The following TSC22D1 variants were observed in gnomAD, a reference collection of about 807,000 sequenced individuals.
TSC22D1 encodes the protein TSC22 domain family protein 1.
In TSC22D1, 9 loss-of-function variants were observed where a neutral mutation model predicts 74.2. The ratio of observed to expected loss-of-function variants is 0.12; its 90% CI spans 0.07 to 0.21. TSC22D1 has a LOEUF of 0.21. TSC22D1 is among the 10% of genes least tolerant of loss of function. TSC22D1 has a pLI of 1.00. For missense variants in TSC22D1, 1,427 were observed against 1,304.7 expected, an observed-to-expected ratio of 1.09 and a Z score of -1.44; for synonymous variants, 586 against 492.5, an observed-to-expected ratio of 1.19 and a Z score of -2.51.
intron 1 of TSC22D1, among the ~76,000 whole-genome samples, chr13:44,527,597 GAA>G (rs1200471167): frequency 6.6e-6 from 1 of 152,044 alleles, no homozygotes; most frequent in Non-Finnish European, 1.5e-5. Context: ...AGAGAAGGCA[GAA>G]AAAGAGTGGA....
intron 1 of TSC22D1, among the ~76,000 whole-genome samples, chr13:44,523,379 A>T (rs1239855501): frequency 2.0e-5 from 3 of 152,222 alleles, no homozygotes; most frequent in Non-Finnish European, 4.4e-5. Context: ...AACTGCCAAA[A>T]ACATCAAGCA....
At chr13:44,440,037 T>C (rs1271248179) in intron 1 of TSC22D1, among the ~76,000 whole-genome samples, 1 of 152,182 alleles carries the variant, frequency 6.6e-6, no homozygotes, top group Non-Finnish European at 1.5e-5. Context: ...GACTCCCACG[T>C]CACCTCCATT....
At chr13:44,539,525 A>C in intron 1 of TSC22D1, 1 of 985,460 alleles carries the variant, frequency 1.0e-6, no homozygotes. Flanking sequence ...CCTGTGGACT[A>C]CATAGGCATT....
At chr13:44,468,836 A>C (rs564103607) in intron 1 of TSC22D1, among the ~76,000 whole-genome samples, 7 of 149,950 alleles carry the variant, frequency 4.7e-5, no homozygotes, top group Non-Finnish European at 1.0e-4. Flanking sequence ...GCTTATGTCT[A>C]AGTTTGCTGT....
At chr13:44,481,563 T>C (rs1235121978) in intron 1 of TSC22D1, among the ~76,000 whole-genome samples, 2 of 152,226 alleles carry the variant, frequency 1.3e-5, no homozygotes, top group African/African-American at 2.4e-5. Context: ...ACAGACACTT[T>C]CATTTGTTCA....
chr13:44,499,505 T>C (rs971170966), intron 1 of TSC22D1, among the ~76,000 whole-genome samples: 4 of 152,202 alleles, frequency 2.6e-5, no homozygotes, highest in Non-Finnish European at 5.9e-5. Context: ...TCAAATCCAA[T>C]CTAATTCTGC....
intron 1 of TSC22D1, chr13:44,436,359 G>T: frequency 8.5e-7 from 1 of 1,183,176 alleles, no homozygotes; most frequent in Non-Finnish European, 1.2e-6. Flanking sequence ...GCAAAAATAA[G>T]GTTTTTTAAC....
intron 1 of TSC22D1, among the ~76,000 whole-genome samples, chr13:44,509,950 C>CAAAAAAAAAAAAAAAAAAAAAAAAAGA: frequency 3.9e-5 from 2 of 51,426 alleles, no homozygotes; most frequent in African/African-American, 7.5e-5. Context: ...AGAAAATAAG[C>CAAAAAAAAAAAAAAAAAAAAAAAAAGA]AAAAAAAAAA....
intron 1 of TSC22D1, among the ~76,000 whole-genome samples, chr13:44,491,531 G>A (rs1328401107): frequency 6.8e-6 from 1 of 147,084 alleles, no homozygotes; most frequent in African/African-American, 2.5e-5. Context: ...TCCAGCCTGG[G>A]AGGCAAAGCG....
chr13:44,450,354 T>C (rs75372591), intron 1 of TSC22D1, among the ~76,000 whole-genome samples: 109 of 152,280 alleles, frequency 7.2e-4, no homozygotes, highest in African/African-American at 2.6e-3. Context: ...TCACAGGCCA[T>C]GTGATGGGAG....
chr13:44,543,073 G>T (rs937459818), intron 1 of TSC22D1, among the ~76,000 whole-genome samples: 1 of 152,034 alleles, frequency 6.6e-6, no homozygotes, highest in Non-Finnish European at 1.5e-5. Context: ...GTACATCAAT[G>T]AAATCATTTT....
chr13:44,449,026 A>C (rs984513708), intron 1 of TSC22D1, among the ~76,000 whole-genome samples: 2 of 152,194 alleles, frequency 1.3e-5, no homozygotes, highest in African/African-American at 4.8e-5. Flanking sequence ...AGATTAAGAA[A>C]CAAGCTGGGA....
chr13:44,463,959 G>A (rs895895702), intron 1 of TSC22D1, among the ~76,000 whole-genome samples: 2 of 152,166 alleles, frequency 1.3e-5, no homozygotes, highest in African/African-American at 2.4e-5. Context: ...GACAGCATCA[G>A]CTTGCCAGCC....
intron 1 of TSC22D1, among the ~76,000 whole-genome samples, chr13:44,439,145 CTATT>C (rs987736552): frequency 4.6e-5 from 7 of 152,184 alleles, no homozygotes; most frequent in Non-Finnish European, 1.0e-4. Flanking sequence ...CAACCATAGT[CTATT>C]TAACCCATTT....
intron 1 of TSC22D1, among the ~76,000 whole-genome samples, chr13:44,526,685 G>A (rs1880562891): frequency 1.3e-5 from 2 of 152,190 alleles, no homozygotes; most frequent in Admixed American, 1.3e-4. Flanking sequence ...GCTTGCTGCT[G>A]CCCAGCATAG....
chr13:44,511,161 T>C (rs1879696164), intron 1 of TSC22D1, among the ~76,000 whole-genome samples: 1 of 152,036 alleles, frequency 6.6e-6, no homozygotes, highest in Non-Finnish European at 1.5e-5. Flanking sequence ...TGCGCACCTG[T>C]AATCCCAGCT....
At chr13:44,505,472 T>C (rs1428115285) in intron 1 of TSC22D1, among the ~76,000 whole-genome samples, 1 of 152,140 alleles carries the variant, frequency 6.6e-6, no homozygotes, top group Non-Finnish European at 1.5e-5. Context: ...GAGGATTGCT[T>C]GATCCCTGGA....
intron 1 of TSC22D1, among the ~76,000 whole-genome samples, chr13:44,552,966 C>T (rs555667005): frequency 1.3e-5 from 2 of 152,120 alleles, no homozygotes; most frequent in East Asian, 1.9e-4. Context: ...CCAGCCTGGG[C>T]GACATAGCGC....
At chr13:44,530,529 C>G (rs9316088) in intron 1 of TSC22D1, among the ~76,000 whole-genome samples, 1 of 151,712 alleles carries the variant, frequency 6.6e-6, no homozygotes, top group African/African-American at 2.4e-5. Flanking sequence ...CCAGTAAAGG[C>G]AGACTTTATT....
Sources: gnomAD v4.1 joint callset for allele counts (sites outside exome capture counted in the v4.1 genomes callset) on GRCh38, gnomAD v4.1.1 for gene constraint, MANE v1.5 for transcripts, NCBI Gene and HGNC (gene_info 2026-07-23, HGNC 2026-07-21) for gene names.